ILF2: variants seen among roughly 807,000 people sequenced by gnomAD.
ILF2 encodes the protein interleukin enhancer-binding factor 2.
A neutral mutation model predicts 55.3 loss-of-function variants in ILF2; 9 were observed. That is an observed-to-expected ratio of 0.16 (90% confidence interval 0.10 to 0.28). The LOEUF (loss-of-function observed/expected upper bound fraction) is 0.28. ILF2 is among the 10% of genes least tolerant of loss of function. ILF2 has a pLI of 1.00. For missense variants in ILF2, 266 were observed against 474.9 expected (o/e 0.56, Z 4.09); for synonymous variants, 151 against 161.8 (o/e 0.93, Z 0.50).
chr1:153,662,258 T>C lies in ILF2; in HGVS notation c.*138A>G. ...AAGCCAATATCAAAACCCAGTGGAA[T>C]GACACTTCTATGGAGTTTACTTTTC... On this transcript the variant is annotated 3_prime_UTR_variant, in exon 14 of 14. Coordinates refer to ENST00000361891, the MANE Select transcript of ILF2 (RefSeq NM_004515.4). The C allele has an allele frequency of 9.3e-7, 1 of 1,075,800 alleles. No individual in the cohort carries two copies. Among genetic ancestry groups the C allele is most frequent in the South Asian group, 1.6e-5 (1 of 63,562 alleles). 66.6% of individuals were successfully genotyped at this position (1,075,800 alleles called of 1,614,324 possible).
At chr1:153,667,408 G>A (rs1669338192) in intron 6 of ILF2, 147 bp downstream of exon 6, 1 of 684,844 alleles carries the variant, frequency 1.5e-6, no homozygotes, top group African/African-American at 1.8e-5. Flanking sequence ...CTGTAGTGGA[G>A]GTCAAGGCTG....
intron 8 of ILF2, 101 bp downstream of exon 8, chr1:153,665,119 G>A: frequency 1.4e-6 from 1 of 734,218 alleles, no homozygotes; most frequent in South Asian, 1.6e-5. Context: ...TTCCCAGGAA[G>A]CTGCATGTGG....
intron 7 of ILF2, 116 bp downstream of exon 7, chr1:153,665,546 TA>T: frequency 2.0e-6 from 2 of 986,356 alleles, no homozygotes; most frequent in South Asian, 1.3e-5. Context: ...TCCCACAACA[TA>T]AAACTCTGCA....
intron 10 of ILF2, 135 bp from the exon 11 acceptor site, chr1:153,663,411 C>G (rs1193040613): frequency 1.3e-6 from 1 of 786,642 alleles, no homozygotes; most frequent in Admixed American, 2.2e-5. Flanking sequence ...TCACTGTAAC[C>G]GCGAACTCCT....
rs377035387 is a variant in ILF2, at chr1:153,664,024, A to G, written c.744+19T>C. ...TAAATAAGGATGATGAGGAACTCCA[A>G]TTGCCCATCTTTACTTACTAGTAGG... On this transcript the variant is annotated intron_variant, in intron 10 of 13. Transcript: ENST00000361891. 180 of 1,472,498 alleles carry G rather than the reference A, an allele frequency of 1.2e-4. No individual in the cohort carries two copies. Among genetic ancestry groups the G allele is most frequent in the Non-Finnish European group, 1.4e-4 (144 of 1,055,038 alleles). The allele number at this position is 1,472,498 out of a possible 1,614,324, so 91.2% of individuals were successfully genotyped here.
chr1:153,667,984 A>C lies in ILF2; in HGVS notation c.291+16T>G, dbSNP rs370897529. 3.4e-5 allele frequency: 54 copies of C among 1,584,688 alleles called. No individual in the cohort carries two copies. The highest frequency in any genetic ancestry group is 4.6e-5 in the Non-Finnish European group (53 of 1,161,232). ...CAAAGCTGCCCTTTCCTAAAACTAAATCATCAAAAACTCACCACTTCAAAT... is the reference window on the plus strand; with the variant it reads ...CAAAGCTGCCCTTTCCTAAAACTAACTCATCAAAAACTCACCACTTCAAAT... On this transcript the variant is annotated intron_variant, in intron 5 of 13. Transcript: ENST00000361891.
chr1:153,665,597 T>G, intron 7 of ILF2, 66 bp downstream of exon 7: 1 of 1,297,094 alleles, frequency 7.7e-7, no homozygotes, highest in Non-Finnish European at 1.1e-6. Context: ...TTGTTGAAAG[T>G]GTACTTACAA....
chr1:153,668,217 T>C (rs1247976929), intron 4 of ILF2, 140 bp from the exon 5 acceptor site: 1 of 782,536 alleles, frequency 1.3e-6, no homozygotes, highest in Non-Finnish European at 2.0e-6. Context: ...ATTCTGGCCT[T>C]GAATATATGG....
intron 1 of ILF2, 82 bp downstream of exon 1, chr1:153,670,835 TG>T: frequency 1.3e-6 from 2 of 1,543,306 alleles, no homozygotes; most frequent in Non-Finnish European, 1.8e-6. Context: ...TGGCCCTTTC[TG>T]ATACTCCGAC....
chr1:153,667,529 C>A, intron 6 of ILF2, 26 bp downstream of exon 6: 1 of 1,461,236 alleles, frequency 6.8e-7, no homozygotes, highest in South Asian at 1.1e-5. Context: ...TGTTCTGTTC[C>A]CATGACCAGA....
In ILF2 at chr1:153,668,398, C is replaced by A. The variant is rs1231805993; in HGVS notation, c.213+55G>T. 1.9e-6 allele frequency: 3 copies of A among 1,603,040 alleles called. No individual in the cohort carries two copies. The Admixed American group carries it at 5.1e-5, about 27-fold the overall frequency. ...TAACCTTACCAACAGTTACTCTTTA[C>A]CAATACTTTTAACTGCTTTAGAGAC... On this transcript the variant is annotated intron_variant, in intron 4 of 13. Transcript: ENST00000361891.
chr1:153,670,052 GA>G, intron 2 of ILF2, 118 bp downstream of exon 2: 2 of 1,168,498 alleles, frequency 1.7e-6, no homozygotes, highest in South Asian at 1.3e-5. Context: ...AGGAGTGCAG[GA>G]AAAGACCACA....
intron 3 of ILF2, 96 bp downstream of exon 3, chr1:153,669,740 C>T: frequency 2.9e-6 from 3 of 1,036,356 alleles, no homozygotes; most frequent in Non-Finnish European, 4.6e-6. Flanking sequence ...CTGTGTCTGC[C>T]CTCTTCAACC....
intron 4 of ILF2, 25 bp from the exon 5 acceptor site, chr1:153,668,102 T>C (rs377761175): frequency 4.0e-6 from 6 of 1,508,408 alleles, no homozygotes; most frequent in Non-Finnish European, 5.5e-6. Flanking sequence ...GAAACAATAC[T>C]TGAAAATGAA....
At position 153,668,060 on chromosome 1, in the gene ILF2, CAGAG is replaced by C; in HGVS notation, c.227_230del (p.Ser76TrpfsTer2). The C allele has an allele frequency of 6.2e-7, 1 of 1,609,782 alleles. No individual in the cohort carries two copies. Among genetic ancestry groups the C allele is most frequent in the Non-Finnish European group, 8.5e-7 (1 of 1,177,722 alleles). On this transcript the variant is annotated frameshift_variant, in exon 5 of 14. Transcript: ENST00000361891. LOFTEE classifies it high-confidence loss of function. ...CAATCACATTGTTTATTTTTGTCAC[CAGAG>C]AAAGGATAGATGCCTGAAAAACAGT...
At chr1:153,664,559 G>C in intron 8 of ILF2, 85 bp from the exon 9 acceptor site, 2 of 1,072,506 alleles carry the variant, frequency 1.9e-6, no homozygotes, top group South Asian at 2.5e-5. Flanking sequence ...TTAAAAACTT[G>C]GAAGGAGGGC....
chr1:153,669,492 CT>C (rs949673578), intron 3 of ILF2, among the ~76,000 whole-genome samples: 165 of 146,896 alleles, frequency 1.1e-3, no homozygotes, highest in African/African-American at 2.1e-3. Context: ...TTTCAACCAT[CT>C]TTTTTTTTTT....
rs747695266 is a variant in ILF2, at chr1:153,670,966, T to C, written c.-44A>G. On this transcript the variant is annotated 5_prime_UTR_variant, in exon 1 of 14. Coordinates refer to ENST00000361891, the MANE Select transcript of ILF2 (RefSeq NM_004515.4). ...CAATGGAGGCCGCACCAACCGCCCC[T>C]TCCTCTGAGTAGCAGACAACTGAAG... 6.8e-6 allele frequency: 11 copies of C among 1,613,726 alleles called. No individual in the cohort carries two copies. The African/African-American group carries it at 1.1e-4, about 16-fold the overall frequency.
intron 6 of ILF2, among the ~76,000 whole-genome samples, 180 bp from the exon 7 acceptor site, chr1:153,665,908 C>T (rs756488161): frequency 5.3e-5 from 8 of 152,164 alleles, no homozygotes; most frequent in African/African-American, 1.2e-4. Flanking sequence ...TTGGAAGACT[C>T]AGGGAACAGG....
Sources: gnomAD v4.1 joint callset for allele counts (sites outside exome capture counted in the v4.1 genomes callset) on GRCh38, gnomAD v4.1.1 for gene constraint, MANE v1.5 for transcripts, NCBI Gene and HGNC (gene_info 2026-07-23, HGNC 2026-07-21) for gene names.